The following PPP1R9A variants were observed in gnomAD, a reference collection of about 807,000 sequenced individuals.
The protein encoded by PPP1R9A is protein phosphatase 1 regulatory subunit 9A.
PPP1R9A carries 59 observed loss-of-function variants against 141.9 expected under a neutral mutation model. The observed-to-expected ratio is 0.42, with a 90% CI of 0.34 to 0.52. The LOEUF (loss-of-function observed/expected upper bound fraction) is 0.52. Among genes scored for constraint, PPP1R9A ranks in the 20% least tolerant of loss-of-function variants. The probability of loss-of-function intolerance (pLI) is 0.10; values close to 1 mark genes in which losing one functional copy is unlikely to be tolerated. For synonymous variants in PPP1R9A, 500 were observed against 569.7 expected, an observed-to-expected ratio of 0.88 and a Z score of 1.74; for missense variants, 1,444 against 1,611.9, an observed-to-expected ratio of 0.90 and a Z score of 1.78.
At chr7:95,188,953 T>G (rs1294724203) in intron 5 of PPP1R9A, among the ~76,000 whole-genome samples, 1 of 152,164 alleles carries the variant, frequency 6.6e-6, no homozygotes, top group Non-Finnish European at 1.5e-5. Context: ...TTTCAAGGGT[T>G]TGTTTCAAGA....
chr7:95,136,188 C>CAAA (rs1825637902), intron 4 of PPP1R9A, among the ~76,000 whole-genome samples: 1 of 152,048 alleles, frequency 6.6e-6, no homozygotes, highest in East Asian at 1.9e-4. Context: ...AAATAAAAGG[C>CAAA]ATAATTTCAT....
intron 12 of PPP1R9A, among the ~76,000 whole-genome samples, chr7:95,264,443 G>A (rs1413819080): frequency 6.6e-6 from 1 of 152,036 alleles, no homozygotes; most frequent in Non-Finnish European, 1.5e-5. Context: ...CGTCAATCTA[G>A]TGAAAAAAAC....
At chr7:94,991,311 A>G (rs970941040) in intron 2 of PPP1R9A, among the ~76,000 whole-genome samples, 4 of 152,080 alleles carry the variant, frequency 2.6e-5, no homozygotes, top group South Asian at 2.1e-4. Flanking sequence ...TTGGTTGGCA[A>G]TTTGTTTGTC....
chr7:95,282,698 G>A (rs1563557983), intron 16 of PPP1R9A, among the ~76,000 whole-genome samples: 1 of 152,184 alleles, frequency 6.6e-6, no homozygotes, highest in African/African-American at 2.4e-5. Context: ...TGTAGACCAT[G>A]TGTAGGATGA....
intron 4 of PPP1R9A, among the ~76,000 whole-genome samples, chr7:95,131,090 G>C (rs1007796925): frequency 1.3e-5 from 2 of 152,280 alleles, no homozygotes; most frequent in South Asian, 4.1e-4. Context: ...GGGGCAGAAT[G>C]ATATGGTTTG....
chr7:94,996,653 A>T lies in PPP1R9A; in HGVS notation c.1395+85145A>T, dbSNP rs1802207357. 2.0e-5 allele frequency among the ~76,000 whole-genome samples: 3 copies of T among 152,236 alleles called. No individual in the cohort carries two copies. In the South Asian group the frequency reaches 6.2e-4, roughly 32 times the overall value. ...TCTTATTCTTGGATTCAAAGTACAC[A>T]TATGTCACTTGTTTACTATTATAGG... On this transcript the variant is annotated intron_variant, in intron 2 of 19. Coordinates refer to ENST00000433360, the MANE Select transcript of PPP1R9A (RefSeq NM_001166160.2).
intron 2 of PPP1R9A, among the ~76,000 whole-genome samples, chr7:95,012,448 C>T (rs183497511): frequency 2.6e-5 from 4 of 152,264 alleles, no homozygotes; most frequent in Non-Finnish European, 5.9e-5. Context: ...GGCCCCACCT[C>T]CAACATGGGG....
chr7:94,965,884 G>T (rs1798155926), intron 2 of PPP1R9A, among the ~76,000 whole-genome samples: 2 of 152,060 alleles, frequency 1.3e-5, no homozygotes, highest in South Asian at 4.1e-4. Flanking sequence ...GATGGGGATG[G>T]CATTGAATCT....
At chr7:95,208,274 T>C (rs1392231290) in intron 7 of PPP1R9A, among the ~76,000 whole-genome samples, 1 of 152,188 alleles carries the variant, frequency 6.6e-6, no homozygotes, top group Non-Finnish European at 1.5e-5. Flanking sequence ...GAGAAATGTT[T>C]GGCTCTTCAA....
At chr7:95,139,451 C>A (rs1264634196) in intron 4 of PPP1R9A, among the ~76,000 whole-genome samples, 1 of 152,136 alleles carries the variant, frequency 6.6e-6, no homozygotes. Context: ...CAAAGCCAAA[C>A]CATATCACAA....
chr7:94,914,101 C>CA (rs1303955000), intron 2 of PPP1R9A, among the ~76,000 whole-genome samples: 1 of 152,150 alleles, frequency 6.6e-6, no homozygotes, highest in Non-Finnish European at 1.5e-5. Flanking sequence ...TTCCTAACCT[C>CA]AGTCTTTTCC....
At chr7:95,186,548 A>C (rs1017978851) in intron 5 of PPP1R9A, among the ~76,000 whole-genome samples, 3 of 152,112 alleles carry the variant, frequency 2.0e-5, no homozygotes, top group African/African-American at 7.2e-5. Flanking sequence ...ACTTTTCAGT[A>C]CTATGTTGAA....
chr7:94,926,727 C>G (rs1358151166), intron 2 of PPP1R9A, among the ~76,000 whole-genome samples: 1 of 151,530 alleles, frequency 6.6e-6, no homozygotes, highest in Non-Finnish European at 1.5e-5. Flanking sequence ...ATTTCTGTCC[C>G]CCTACTCCCT....
At chr7:95,284,896 G>A (rs892527078) in intron 17 of PPP1R9A, among the ~76,000 whole-genome samples, 13 of 152,180 alleles carry the variant, frequency 8.5e-5, no homozygotes, top group Admixed American at 6.5e-4. Flanking sequence ...ACTTTCACAC[G>A]TTGTTTGGTC....
At chr7:94,941,447 G>C (rs1034064171) in intron 2 of PPP1R9A, among the ~76,000 whole-genome samples, 2 of 152,016 alleles carry the variant, frequency 1.3e-5, no homozygotes, top group Non-Finnish European at 1.5e-5. Context: ...CTGTACTTCT[G>C]CATATGTGAT....
At position 95,198,457 on chromosome 7, in the gene PPP1R9A, T is replaced by C; in HGVS notation, c.1863T>C (p.Tyr621=). Residue 621 remains tyrosine, a synonymous_variant, in exon 6 of 20, where the codon TAT becomes TAC. Transcript: ENST00000433360. Reference sequence around the variant, plus strand: ...AGAGAGAGCTGCTGGAACAGCACTATGCCCAGTATGATGCCGACGATGACG... The same window carrying C: ...AGAGAGAGCTGCTGGAACAGCACTACGCCCAGTATGATGCCGACGATGACG... ...RRQRELLEQH[Y]AQYDADDDEN... The C allele has an allele frequency of 6.2e-7, 1 of 1,602,312 alleles. No individual in the cohort carries two copies.
chr7:95,126,978 C>G (rs765135513), intron 4 of PPP1R9A, among the ~76,000 whole-genome samples: 1 of 152,032 alleles, frequency 6.6e-6, no homozygotes, highest in East Asian at 1.9e-4. Flanking sequence ...CCCCTCATCT[C>G]TCACCCAACC....
intron 13 of PPP1R9A, 112 bp from the exon 14 acceptor site, chr7:95,269,095 A>T: frequency 9.7e-7 from 1 of 1,026,860 alleles, no homozygotes; most frequent in Non-Finnish European, 1.4e-6. Context: ...ATCAACAAAA[A>T]CTGGTTTTCA....
At chr7:95,105,044 A>G (rs1381660690) in intron 2 of PPP1R9A, among the ~76,000 whole-genome samples, 1 of 152,208 alleles carries the variant, frequency 6.6e-6, no homozygotes, top group African/African-American at 2.4e-5. Flanking sequence ...TGTGTCAGGA[A>G]GATTTTACAG....
Sources: allele counts gnomAD v4.1 joint callset (sites outside exome capture counted in the v4.1 genomes callset), GRCh38; gene constraint gnomAD v4.1.1; transcripts MANE v1.5; gene names NCBI Gene and HGNC (gene_info 2026-07-23, HGNC 2026-07-21).